The following ENPP2 variants were observed in gnomAD, a reference collection of about 807,000 sequenced individuals.
ENPP2 encodes autotaxin.
A neutral mutation model predicts 120.2 loss-of-function variants in ENPP2; 51 were observed. The observed-to-expected ratio is 0.42, with a 90% CI of 0.34 to 0.54. The LOEUF (loss-of-function observed/expected upper bound fraction) is 0.54, where lower values mean the gene tolerates loss of function less well. Among genes scored for constraint, ENPP2 ranks in the 20% least tolerant of loss-of-function variants. The probability of loss-of-function intolerance (pLI) is 0.04; values close to 1 mark genes in which losing one functional copy is unlikely to be tolerated. For missense variants in ENPP2, 920 were observed against 1,066.5 expected, an observed-to-expected ratio of 0.86 and a Z score of 1.91; for synonymous variants, 365 against 366.4, an observed-to-expected ratio of 1.00 and a Z score of 0.04.
intron 9 of ENPP2, among the ~76,000 whole-genome samples, chr8:119,603,845 T>G (rs940595216): frequency 6.6e-6 from 1 of 152,080 alleles, no homozygotes; most frequent in Non-Finnish European, 1.5e-5. Context: ...GTCATTTTCT[T>G]GGGGGAAAGA....
chr8:119,608,382 C>G (rs989736678), intron 8 of ENPP2, among the ~76,000 whole-genome samples: 1 of 152,102 alleles, frequency 6.6e-6, no homozygotes, highest in African/African-American at 2.4e-5. Flanking sequence ...GAGGAGTGCC[C>G]CAATTTGGCA....
upstream of ENPP2, among the ~76,000 whole-genome samples, chr8:119,639,987 G>A (rs779264892): frequency 4.6e-5 from 7 of 152,100 alleles, no homozygotes; most frequent in Non-Finnish European, 1.0e-4. Flanking sequence ...ACATGTGTTC[G>A]TGCGTAAACA....
In ENPP2 at chr8:119,644,968, A is replaced by C. The variant is rs1817400524; in HGVS notation, c.22-6441T>G. ...TTTGAGTCTACTTTATAATGTGACT[A>C]TGTGATATATGAACACAAATGAGTG... On this transcript the variant is annotated intron_variant, in intron 1 of 25. Transcript: ENST00000427067. Among the ~76,000 whole-genome samples the C allele has an allele frequency of 2.0e-5, 3 of 152,080 alleles. No individual in the cohort carries two copies. In the South Asian group the frequency reaches 6.2e-4, roughly 32 times the overall value.
intron 19 of ENPP2, among the ~76,000 whole-genome samples, chr8:119,575,201 G>A (rs917446901): frequency 5.3e-5 from 8 of 152,142 alleles, no homozygotes; most frequent in African/African-American, 1.9e-4. Context: ...AGGAACTGGA[G>A]GTTTATGATT....
At chr8:119,621,253 G>A in intron 4 of ENPP2, 141 bp downstream of exon 4, 1 of 666,526 alleles carries the variant, frequency 1.5e-6, no homozygotes. Context: ...TAATGAAGAA[G>A]CATGAGAAAT....
chr8:119,617,597 T>G, intron 5 of ENPP2, 34 bp from the exon 6 acceptor site: 1 of 1,452,140 alleles, frequency 6.9e-7, no homozygotes, highest in Non-Finnish European at 9.6e-7. Context: ...TTTAGAAACA[T>G]TATTACCAGA....
intron 3 of ENPP2, among the ~76,000 whole-genome samples, chr8:119,623,616 A>T (rs2130755704): frequency 6.6e-6 from 1 of 151,766 alleles, no homozygotes; most frequent in South Asian, 2.1e-4. Context: ...GCTGTCTGAT[A>T]TTTTTTGTTG....
chr8:119,590,860 T>C (rs1045724791), intron 12 of ENPP2, among the ~76,000 whole-genome samples: 2 of 151,998 alleles, frequency 1.3e-5, no homozygotes, highest in African/African-American at 2.4e-5. Context: ...CACTAGAAGG[T>C]TGAAAGTGCA....
rs1256255229 is a variant in ENPP2 at position 119,596,534 on chromosome 8, T to A, written c.973-2674A>T. On this transcript the variant is annotated intron_variant, in intron 11 of 24. Coordinates refer to ENST00000075322, the MANE Select transcript of ENPP2 (RefSeq NM_001040092.3). ...CAACTGTCACCTTCATTGGCAAGGATCCAGTGAAAAATTTTAAAACCAAGG... is the reference window on the plus strand; with the variant it reads ...CAACTGTCACCTTCATTGGCAAGGAACCAGTGAAAAATTTTAAAACCAAGG... 5.3e-5 allele frequency among the ~76,000 whole-genome samples: 8 copies of A among 152,242 alleles called. No homozygotes were observed. The East Asian group carries it at 1.5e-3, about 29-fold the overall frequency.
At chr8:119,560,850 T>C (rs1012057640) in intron 24 of ENPP2, among the ~76,000 whole-genome samples, 3 of 152,094 alleles carry the variant, frequency 2.0e-5, no homozygotes, top group Non-Finnish European at 4.4e-5. Flanking sequence ...TTAGTAGCTA[T>C]AAATTTCTCA....
At chr8:119,608,593 T>G (rs575886744) in intron 8 of ENPP2, among the ~76,000 whole-genome samples, 48 of 152,332 alleles carry the variant, frequency 3.2e-4, no homozygotes, top group African/African-American at 1.1e-3. Flanking sequence ...AAAATATTCT[T>G]TACACCGTGT....
intron 9 of ENPP2, among the ~76,000 whole-genome samples, chr8:119,607,600 G>A (rs574419196): frequency 1.1e-3 from 173 of 151,902 alleles, no homozygotes; most frequent in Non-Finnish European, 1.8e-3. Context: ...ACTTGAACCC[G>A]GGAGGCAGAG....
intron 1 of ENPP2, among the ~76,000 whole-genome samples, chr8:119,659,337 A>AAAAAAAAAAAAAAAAAT (rs1817858118): frequency 6.7e-6 from 1 of 150,156 alleles, no homozygotes; most frequent in Non-Finnish European, 1.5e-5. Flanking sequence ...AAAAAAAAAA[A>AAAAAAAAAAAAAAAAAT]CCAGAGTTCT....
At chr8:119,608,185 C>T (rs1175335413) in intron 8 of ENPP2, among the ~76,000 whole-genome samples, 2 of 152,186 alleles carry the variant, frequency 1.3e-5, no homozygotes, top group Non-Finnish European at 2.9e-5. Flanking sequence ...TGCAAAAGCT[C>T]TCAAAAGCTC....
At chr8:119,662,908 C>G (rs536659406) in intron 1 of ENPP2, among the ~76,000 whole-genome samples, 5 of 152,148 alleles carry the variant, frequency 3.3e-5, no homozygotes, top group Middle Eastern at 3.4e-3. Flanking sequence ...GTCAGGAGTT[C>G]GAGATCAGCC....
intron 1 of ENPP2, among the ~76,000 whole-genome samples, chr8:119,648,300 C>T (rs1817532296): frequency 6.6e-6 from 1 of 152,128 alleles, no homozygotes; most frequent in South Asian, 2.1e-4. Context: ...GCATAGAGTG[C>T]TTAGTAGTGA....
Position 119,673,299 on chromosome 8 carries a change from T to C in ENPP2, c.-27A>G, listed in dbSNP as rs1378534497. 9 of 1,535,108 alleles carry C rather than the reference T, an allele frequency of 5.9e-6. No homozygotes were observed. In the East Asian group the frequency reaches 1.2e-4, roughly 21 times the overall value. The stretch of plus-strand genomic sequence containing the variant: ...CTGCGGGAGTCTCGGCGTCTGTTCC[T>C]GCCCGGGCGCTGCGGACGCGGCCTG... On this transcript the variant is annotated 5_prime_UTR_variant, in exon 1 of 26. Coordinates refer to the ENPP2 transcript ENST00000427067.
chr8:119,599,284 C>T (rs938854709), intron 11 of ENPP2, among the ~76,000 whole-genome samples: 3 of 152,120 alleles, frequency 2.0e-5, no homozygotes, highest in Admixed American at 6.5e-5. Flanking sequence ...GTTACTAGTG[C>T]TTAAATAAAT....
chr8:119,598,829 A>G (rs1256441183), intron 11 of ENPP2, among the ~76,000 whole-genome samples: 2 of 152,126 alleles, frequency 1.3e-5, no homozygotes, highest in African/African-American at 2.4e-5. Flanking sequence ...TGGGAGTCAA[A>G]AGTTCTGTAG....
Sources: allele counts gnomAD v4.1 joint callset (sites outside exome capture counted in the v4.1 genomes callset), GRCh38; gene constraint gnomAD v4.1.1; transcripts MANE v1.5; gene names NCBI Gene and HGNC (gene_info 2026-07-23, HGNC 2026-07-21).